PDE4D: variants seen among roughly 807,000 people sequenced by gnomAD.
The protein encoded by PDE4D is phosphodiesterase 4D.
Under a neutral mutation model 87.4 loss-of-function variants are expected in PDE4D, and 24 were observed. The observed-to-expected ratio is 0.27, with a 90% CI of 0.20 to 0.39. The LOEUF is 0.39. PDE4D is among the 10% of genes least tolerant of loss of function. The pLI, the probability that PDE4D is intolerant of heterozygous loss-of-function variation, is 1.00. For missense variants in PDE4D, 714 were observed against 1,041.0 expected (o/e 0.69, Z 4.32); for synonymous variants, 384 against 383.2 (o/e 1.00, Z -0.02).
rs1488857468 is a variant in PDE4D, at chr5:59,991,730, T to C, written c.43-3013A>G. Among the ~76,000 whole-genome samples, 7 of 152,168 alleles carry C rather than the reference T, an allele frequency of 4.6e-5. No homozygotes were observed. In the East Asian group the frequency reaches 1.4e-3, roughly 29 times the overall value. ...ATGCACTTGGAACAGTCTTAGCTTT[T>C]AGATTGGGAAAGTGAGCCTCTGTGT... is the stretch of plus-strand genomic sequence containing the variant. On this transcript the variant is annotated intron_variant, in intron 2 of 16. Transcript: ENST00000502484.
chr5:60,311,018 CTT>C (rs67263352), intron 1 of PDE4D, among the ~76,000 whole-genome samples: 2,804 of 139,574 alleles, frequency 0.02, 37 homozygotes, highest in South Asian at 0.079. Flanking sequence ...TAAAATAAGT[CTT>C]TTTTTTTTTT....
intron 5 of PDE4D, among the ~76,000 whole-genome samples, chr5:59,051,693 C>T (rs1580530499): frequency 6.6e-6 from 1 of 152,192 alleles, no homozygotes; most frequent in African/African-American, 2.4e-5. Context: ...TATTAACAAG[C>T]ATTATCTAAA....
At chr5:60,444,993 T>C (rs1745531142) in intron 1 of PDE4D, among the ~76,000 whole-genome samples, 1 of 151,840 alleles carries the variant, frequency 6.6e-6, no homozygotes, top group African/African-American at 2.4e-5. Context: ...GGTTAAAATC[T>C]TGTTATAGGC....
At chr5:59,759,686 C>T (rs1234653912) in intron 1 of PDE4D, among the ~76,000 whole-genome samples, 1 of 152,172 alleles carries the variant, frequency 6.6e-6, no homozygotes, top group Non-Finnish European at 1.5e-5. Context: ...CAGAGGGCAA[C>T]AGCCAGTTAT....
chr5:59,007,259 C>G (rs1441569335), intron 6 of PDE4D, among the ~76,000 whole-genome samples: 1 of 152,110 alleles, frequency 6.6e-6, no homozygotes, highest in Non-Finnish European at 1.5e-5. Context: ...TTATTTTACA[C>G]CTTTCACCTT....
chr5:60,486,752 G>A (rs1218208765), intron 1 of PDE4D, among the ~76,000 whole-genome samples: 2 of 152,190 alleles, frequency 1.3e-5, no homozygotes, highest in Non-Finnish European at 2.9e-5. Context: ...ACAGGAGCCT[G>A]TGATTTTAAA....
In PDE4D at chr5:59,019,510, C is replaced by G. The variant is rs532890218; in HGVS notation, c.921+19349G>C. 2.0e-5 allele frequency among the ~76,000 whole-genome samples: 3 copies of G among 152,280 alleles called. No individual in the cohort carries two copies. In the East Asian group the frequency reaches 5.8e-4, roughly 29 times the overall value. The stretch of plus-strand genomic sequence containing the variant: ...CAATCTACATTTCTCACACCTGCCA[C>G]TGGTCCTATAATCACATCCTCTGTT... On this transcript the variant is annotated intron_variant, in intron 6 of 14. Transcript: ENST00000340635.
At chr5:60,036,553 A>G (rs920685492) in intron 2 of PDE4D, among the ~76,000 whole-genome samples, 52 of 152,206 alleles carry the variant, frequency 3.4e-4, no homozygotes, top group Admixed American at 3.1e-3. Flanking sequence ...TATATCCAAG[A>G]AGGCACATAA....
At chr5:59,237,067 A>G (rs1417368608) in intron 1 of PDE4D, among the ~76,000 whole-genome samples, 1 of 152,154 alleles carries the variant, frequency 6.6e-6, no homozygotes, top group East Asian at 1.9e-4. Flanking sequence ...TATGTGTTAC[A>G]GATAATGAAG....
intron 1 of PDE4D, among the ~76,000 whole-genome samples, chr5:59,287,059 T>G (rs1767088488): frequency 6.6e-6 from 1 of 152,086 alleles, no homozygotes; most frequent in African/African-American, 2.4e-5. Context: ...GAACCAAAAA[T>G]CAGCTTAGGT....
At chr5:59,638,644 C>T (rs1741008016) in intron 1 of PDE4D, among the ~76,000 whole-genome samples, 1 of 152,048 alleles carries the variant, frequency 6.6e-6, no homozygotes, top group South Asian at 2.1e-4. Flanking sequence ...TATAGTATCA[C>T]TTTTCTTTAG....
Position 59,835,388 on chromosome 5 carries a change from C to T in PDE4D, c.455+57780G>A, listed in dbSNP as rs148489010. Among the ~76,000 whole-genome samples the T allele has an allele frequency of 1.1e-4, 16 of 152,102 alleles. No individual in the cohort carries two copies. The East Asian group carries it at 2.9e-3, about 28-fold the overall frequency. On this transcript the variant is annotated intron_variant, in intron 1 of 14. Transcript: ENST00000340635. ...CAAATGCCTTTATTCAGTACACAAACAGTACTAGAATACATGACAGCCCTG... is the reference window on the plus strand; with the variant it reads ...CAAATGCCTTTATTCAGTACACAAATAGTACTAGAATACATGACAGCCCTG...
intron 2 of PDE4D, among the ~76,000 whole-genome samples, chr5:60,097,772 G>A (rs754738351): frequency 8.7e-4 from 132 of 151,668 alleles, no homozygotes; most frequent in Non-Finnish European, 1.3e-3. Context: ...TGTTAAATCC[G>A]GTGCTGTGAT....
At chr5:60,337,380 T>TACACACACACACACACACACACAC (rs1474890248) in intron 1 of PDE4D, among the ~76,000 whole-genome samples, 3 of 118,238 alleles carry the variant, frequency 2.5e-5, no homozygotes, top group African/African-American at 7.6e-5. Context: ...TATATATATA[T>TACACACACACACACACACACACAC]ATATATATAC....
chr5:59,256,450 C>T, intron 1 of PDE4D, among the ~76,000 whole-genome samples: 1 of 151,978 alleles, frequency 6.6e-6, no homozygotes, highest in East Asian at 1.9e-4. Flanking sequence ...AAGTGGGAGT[C>T]TCAGAGCAAA....
intron 1 of PDE4D, among the ~76,000 whole-genome samples, chr5:60,340,434 T>C (rs1341290179): frequency 6.6e-6 from 1 of 152,116 alleles, no homozygotes; most frequent in Non-Finnish European, 1.5e-5. Flanking sequence ...AGGCCTCAGA[T>C]GTTACCCTGG....
At chr5:59,443,871 T>G (rs1015575894) in intron 1 of PDE4D, among the ~76,000 whole-genome samples, 5 of 151,236 alleles carry the variant, frequency 3.3e-5, no homozygotes, top group Non-Finnish European at 5.9e-5. Context: ...AAATAGGTAA[T>G]GAGGGGAAAA....
At chr5:59,608,612 G>A (rs376639639) in intron 1 of PDE4D, among the ~76,000 whole-genome samples, 2 of 152,068 alleles carry the variant, frequency 1.3e-5, no homozygotes, top group Non-Finnish European at 2.9e-5. Context: ...CCTGTCCTGG[G>A]TATGCTACTT....
rs541174506 is a variant in PDE4D at position 59,969,265 on chromosome 5, G to C, written c.272+19223C>G. ...TTTGAAATGATTCACATCTCACAAA[G>C]AATGGCTTTTGTAGATCCTTTCTAT... On this transcript the variant is annotated intron_variant, in intron 3 of 16. Transcript: ENST00000502484. Among the ~76,000 whole-genome samples, 7 of 152,226 alleles carry C rather than the reference G, an allele frequency of 4.6e-5. No individual in the cohort carries two copies. In the South Asian group the frequency reaches 1.5e-3, roughly 32 times the overall value.
Sources: allele counts gnomAD v4.1 joint callset (sites outside exome capture counted in the v4.1 genomes callset), GRCh38; gene constraint gnomAD v4.1.1; transcripts MANE v1.5; gene names NCBI Gene and HGNC (gene_info 2026-07-23, HGNC 2026-07-21).